The following DIS3L2 variants were observed in gnomAD, a reference collection of about 807,000 sequenced individuals.
DIS3L2 encodes the protein DIS3 like 3'-5' exoribonuclease 2.
DIS3L2 carries 34 observed loss-of-function variants against 97.5 expected under a neutral mutation model. The observed-to-expected ratio is 0.35, with a 90% CI of 0.27 to 0.46. The LOEUF (loss-of-function observed/expected upper bound fraction) is 0.46, where lower values mean the gene tolerates loss of function less well. Ranked by LOEUF, DIS3L2 falls within the 20% of genes least tolerant of loss-of-function variation. The probability of loss-of-function intolerance (pLI) is 1.00; values close to 1 mark genes in which losing one functional copy is unlikely to be tolerated. For missense variants in DIS3L2, 1,038 were observed against 1,146.0 expected (o/e 0.91, Z 1.36); for synonymous variants, 435 against 445.2 (o/e 0.98, Z 0.29).
chr2:232,062,587 G>T (rs1471931713), intron 5 of DIS3L2, among the ~76,000 whole-genome samples: 3 of 152,060 alleles, frequency 2.0e-5, no homozygotes, highest in Non-Finnish European at 2.9e-5. Flanking sequence ...TTGAACACTT[G>T]TTTATTTCCT....
At chr2:232,056,978 G>A (rs1225957010) in intron 5 of DIS3L2, among the ~76,000 whole-genome samples, 4 of 152,038 alleles carry the variant, frequency 2.6e-5, no homozygotes, top group African/African-American at 4.8e-5. Flanking sequence ...AATCTTCCTA[G>A]GAATATTATA....
At chr2:232,103,982 C>T (rs1395816849) in intron 6 of DIS3L2, among the ~76,000 whole-genome samples, 1 of 151,932 alleles carries the variant, frequency 6.6e-6, no homozygotes, top group Non-Finnish European at 1.5e-5. Context: ...TGATCATAAC[C>T]CCTTTCAGGT....
Position 232,292,390 on chromosome 2 carries a change from C to T in DIS3L2, c.1660-7650C>T, listed in dbSNP as rs923087149. ...ACCTGTTGCCATCTGCTGGGAGGGT[C>T]GCCTTGCTGTCTCCATTGTCATCCT... On this transcript the variant is annotated intron_variant, in intron 13 of 20. Coordinates refer to ENST00000325385, the MANE Select transcript of DIS3L2 (RefSeq NM_152383.5). This position sits in a 1 kb window ranked among gnomAD's most constrained non-coding sequence, Gnocchi z 4.4. 4.6e-5 allele frequency among the ~76,000 whole-genome samples: 7 copies of T among 152,140 alleles called. No homozygotes were observed. Among genetic ancestry groups the T allele is most frequent in the Admixed American group, 6.5e-5 (1 of 15,274 alleles).
At chr2:232,297,014 G>T (rs1312891820) in intron 13 of DIS3L2, among the ~76,000 whole-genome samples, 1 of 152,162 alleles carries the variant, frequency 6.6e-6, no homozygotes, top group Non-Finnish European at 1.5e-5. Context: ...ACAGCATTGT[G>T]TGGGGTCTGG....
chr2:232,168,499 C>T (rs1234958612), intron 9 of DIS3L2, among the ~76,000 whole-genome samples: 2 of 36,332 alleles, frequency 5.5e-5, no homozygotes, highest in Non-Finnish European at 5.0e-5. Context: ...CTTTTTTTAG[C>T]CAGTTGCCTT....
chr2:232,160,272 T>A (rs935168276), intron 8 of DIS3L2, among the ~76,000 whole-genome samples: 4 of 152,208 alleles, frequency 2.6e-5, no homozygotes, highest in African/African-American at 7.2e-5. Context: ...GGTTTCAAAC[T>A]GTGAATTCAG....
At chr2:232,023,879 C>T (rs1174334536) in intron 3 of DIS3L2, among the ~76,000 whole-genome samples, 2 of 145,806 alleles carry the variant, frequency 1.4e-5, no homozygotes, top group Non-Finnish European at 3.0e-5. Context: ...GTGGAAAGGT[C>T]TTGGAACTGG....
Position 232,269,439 on chromosome 2 carries a change from T to C in DIS3L2, c.1659+5999T>C, listed in dbSNP as rs1315841788. Reference sequence around the variant, plus strand: ...CTATTGATCACAGGGTTGAGTATATTTGTAGAATCATTCTGTTTTCTTAGT... The same window carrying C: ...CTATTGATCACAGGGTTGAGTATATCTGTAGAATCATTCTGTTTTCTTAGT... On this transcript the variant is annotated intron_variant, in intron 13 of 20. Transcript: ENST00000325385. The surrounding 1 kb of genome is among the most constrained non-coding windows in gnomAD (Gnocchi z 4.5). 6.6e-6 allele frequency among the ~76,000 whole-genome samples: 1 copy of C among 152,194 alleles called. No homozygotes were observed. Among genetic ancestry groups the C allele is most frequent in the African/African-American group, 2.4e-5 (1 of 41,442 alleles).
chr2:232,191,591 G>A (rs966310077), intron 9 of DIS3L2, among the ~76,000 whole-genome samples: 1 of 152,204 alleles, frequency 6.6e-6, no homozygotes, highest in South Asian at 2.1e-4. Context: ...ACACTCATTT[G>A]TGTGGAAGTT....
chr2:232,181,918 C>T (rs1454692160), intron 9 of DIS3L2, among the ~76,000 whole-genome samples: 1 of 152,116 alleles, frequency 6.6e-6, no homozygotes, highest in African/African-American at 2.4e-5. Flanking sequence ...TCCCAAAGTG[C>T]TGGGATTACA....
chr2:232,329,785 T>TCCCCGGGGGCCCCCCCCCC, intron 14 of DIS3L2, 28 bp from the exon 15 acceptor site: 2 of 967,140 alleles, frequency 2.1e-6, no homozygotes, highest in Non-Finnish European at 1.5e-6. Flanking sequence ...ACCCCAGCGG[T>TCCCCGGGGGCCCCCCCCCC]CCCTCCCATC....
At chr2:232,028,205 A>G (rs1694712412) in intron 4 of DIS3L2, among the ~76,000 whole-genome samples, 1 of 152,092 alleles carries the variant, frequency 6.6e-6, no homozygotes, top group South Asian at 2.1e-4. Flanking sequence ...TTTTTCTTCC[A>G]GGGAAGTTCA....
chr2:232,047,277 T>G (rs1324677296), intron 5 of DIS3L2, among the ~76,000 whole-genome samples: 2 of 152,258 alleles, frequency 1.3e-5, no homozygotes, highest in African/African-American at 4.8e-5. Context: ...GATCATAGAC[T>G]AGTGCATCAG....
In DIS3L2 at chr2:232,325,929, G is replaced by A. The variant is rs1340398136; in HGVS notation, c.1740-3884G>A. Among the ~76,000 whole-genome samples, 3 of 152,234 alleles carry A rather than the reference G, an allele frequency of 2.0e-5. No homozygotes were observed. Among genetic ancestry groups the A allele is most frequent in the Non-Finnish European group, 4.4e-5 (3 of 68,026 alleles). On this transcript the variant is annotated intron_variant, in intron 14 of 20. Transcript: ENST00000325385. The surrounding 1 kb of genome is among the most constrained non-coding windows in gnomAD (Gnocchi z 4.6). ...GGGCAGGGCGCCCTCCCGTCCAGCAGCCCCAGTGCCCACTCTGCGCCCTTC... is the reference window on the plus strand; with the variant it reads ...GGGCAGGGCGCCCTCCCGTCCAGCAACCCCAGTGCCCACTCTGCGCCCTTC...
At position 232,108,554 on chromosome 2, in the gene DIS3L2, G is replaced by T. The variant is rs375390285; in HGVS notation, c.601+20833G>T. Among the ~76,000 whole-genome samples the T allele has an allele frequency of 9.2e-5, 14 of 152,272 alleles. No individual in the cohort carries two copies. The South Asian group carries it at 2.7e-3, about 29-fold the overall frequency. On this transcript the variant is annotated intron_variant, in intron 6 of 20. Transcript: ENST00000325385. ...CATAGTATTGGAAGTTCTGCCCAGG[G>T]CAATCAGGCAAGAGAAAGAAATAAA...
intron 6 of DIS3L2, among the ~76,000 whole-genome samples, chr2:232,092,355 T>G (rs748438738): frequency 1.3e-5 from 2 of 152,146 alleles, no homozygotes; most frequent in Non-Finnish European, 2.9e-5. Context: ...ATTCCTCCAG[T>G]TTTGTTCCTT....
At chr2:232,074,550 A>G (rs1427510574) in intron 5 of DIS3L2, among the ~76,000 whole-genome samples, 1 of 151,516 alleles carries the variant, frequency 6.6e-6, no homozygotes, top group Admixed American at 6.6e-5. Flanking sequence ...AAATAAATGA[A>G]ATATAGCCCC....
At chr2:231,999,166 G>T (rs1693808397) in intron 1 of DIS3L2, among the ~76,000 whole-genome samples, 1 of 152,180 alleles carries the variant, frequency 6.6e-6, no homozygotes, top group Non-Finnish European at 1.5e-5. Flanking sequence ...CTGTGTTTCA[G>T]TAAAAGTTTA....
At chr2:232,091,549 T>C (rs1470222750) in intron 6 of DIS3L2, among the ~76,000 whole-genome samples, 1 of 152,182 alleles carries the variant, frequency 6.6e-6, no homozygotes, top group East Asian at 1.9e-4. Context: ...TTTATCCATT[T>C]GTCTGTTGAT....
Sources: gnomAD v4.1 joint callset for allele counts (sites outside exome capture counted in the v4.1 genomes callset) on GRCh38, gnomAD v4.1.1 for gene constraint, Gnocchi (gnomAD v3.1) non-coding constraint, MANE v1.5 for transcripts, NCBI Gene and HGNC (gene_info 2026-07-23, HGNC 2026-07-21) for gene names.